MPHOSPH9: variants seen among roughly 807,000 people sequenced by gnomAD.
MPHOSPH9 encodes M-phase phosphoprotein 9.
MPHOSPH9 carries 88 observed loss-of-function variants against 145.5 expected under a neutral mutation model. That is an observed-to-expected ratio of 0.60 (90% confidence interval 0.51 to 0.72). MPHOSPH9 has a LOEUF of 0.72. Ranked by LOEUF, MPHOSPH9 falls within the 30% of genes least tolerant of loss-of-function variation. MPHOSPH9 has a pLI of 0.00. For synonymous variants in MPHOSPH9, 435 were observed against 486.2 expected (o/e 0.89, Z 1.39); for missense variants, 1,238 against 1,386.6 (o/e 0.89, Z 1.70).
At chr12:123,212,958 C>G (rs2046803994) in intron 7 of MPHOSPH9, among the ~76,000 whole-genome samples, 1 of 149,856 alleles carries the variant, frequency 6.7e-6, no homozygotes, top group Non-Finnish European at 1.5e-5. Flanking sequence ...CTCCTGGGTT[C>G]ACGCCATTCT....
intron 13 of MPHOSPH9, among the ~76,000 whole-genome samples, chr12:123,183,976 G>A (rs142054554): frequency 2.6e-5 from 4 of 152,254 alleles, no homozygotes; most frequent in Middle Eastern, 3.4e-3. Flanking sequence ...TTGAGAGGCC[G>A]AGGAAGATTA....
chr12:123,204,501 TC>T (rs1353460834), intron 8 of MPHOSPH9, among the ~76,000 whole-genome samples: 1 of 151,160 alleles, frequency 6.6e-6, no homozygotes, highest in Non-Finnish European at 1.5e-5. Flanking sequence ...TGAAAATAAG[TC>T]CCCCCCACCC....
At chr12:123,229,522 G>A (rs2047557856) in intron 2 of MPHOSPH9, among the ~76,000 whole-genome samples, 1 of 152,168 alleles carries the variant, frequency 6.6e-6, no homozygotes, top group South Asian at 2.1e-4. Context: ...GTCTGTTATT[G>A]TCTTAACTTC....
intron 3 of MPHOSPH9, among the ~76,000 whole-genome samples, chr12:123,224,373 A>T (rs969560394): frequency 6.6e-6 from 1 of 151,922 alleles, no homozygotes; most frequent in East Asian, 1.9e-4. Flanking sequence ...TGACCTCATG[A>T]TCCGCCTGCC....
chr12:123,159,469 G>C lies in MPHOSPH9; in HGVS notation c.3450+1312C>G, dbSNP rs1014749291. ...TAAGCCATTGCGCCTGGCCATGGCA[G>C]GTTTTTTTTTGTTTTTTTTGTTGTT... On this transcript the variant is annotated intron_variant, in intron 23 of 23. Coordinates refer to ENST00000606320, the MANE Select transcript of MPHOSPH9 (RefSeq NM_022782.4). This position sits in a 1 kb window ranked among gnomAD's most constrained non-coding sequence, Gnocchi z 4.3. 2.6e-5 allele frequency among the ~76,000 whole-genome samples: 4 copies of C among 152,074 alleles called. No individual in the cohort carries two copies. The highest frequency in any genetic ancestry group is 9.7e-5 in the African/African-American group (4 of 41,410).
chr12:123,154,169 T>C (rs1023931302), downstream of MPHOSPH9: 2 of 151,608 alleles, frequency 1.3e-5, no homozygotes, highest in Non-Finnish European at 2.9e-5. Context: ...CACTTTCTAT[T>C]TGCATTTTAA....
intron 13 of MPHOSPH9, among the ~76,000 whole-genome samples, chr12:123,181,686 G>A (rs1294081488): frequency 6.6e-6 from 1 of 152,022 alleles, no homozygotes; most frequent in African/African-American, 2.4e-5. Context: ...TGCTATGATC[G>A]TGCCACTGTA....
In MPHOSPH9 at chr12:123,202,313, C is replaced by T. The variant is rs1361106294; in HGVS notation, c.1788G>A (p.Arg596=). 1.9e-6 allele frequency: 3 copies of T among 1,598,690 alleles called. No individual in the cohort carries two copies. In the African/African-American group the frequency reaches 4.1e-5, roughly 22 times the overall value. Reference sequence around the variant, plus strand: ...GAGCATGCTTTTCCTTCAGATTCTGCCTAATCCTTATTCAGTGAGAATAAA... The same window carrying T: ...GAGCATGCTTTTCCTTCAGATTCTGTCTAATCCTTATTCAGTGAGAATAAA... ...LEDPVILSKI[R]QNLKEKHARH... is the part of the protein sequence containing the mutation. The change falls in exon 11 of 24, where the codon AGG becomes AGA. Residue 596 remains arginine, a synonymous_variant. Transcript: ENST00000606320.
intron 18 of MPHOSPH9, 105 bp from the exon 19 acceptor site, chr12:123,164,195 G>T: frequency 7.6e-7 from 1 of 1,314,150 alleles, no homozygotes. Context: ...TACACACCAA[G>T]CCCCACAGCT....
intron 21 of MPHOSPH9, 67 bp downstream of exon 21, chr12:123,162,048 G>T: frequency 9.8e-7 from 1 of 1,024,688 alleles, no homozygotes; most frequent in Non-Finnish European, 1.4e-6. Context: ...TTAGAACACT[G>T]AGAGATACCA....
chr12:123,168,887 C>A (rs1483281886), intron 16 of MPHOSPH9, among the ~76,000 whole-genome samples: 12 of 150,682 alleles, frequency 8.0e-5, no homozygotes, highest in Admixed American at 6.6e-4. Context: ...CTCTTTCCCT[C>A]AGTTTTTTTT....
chr12:123,156,978 C>T (rs2137825867), intron 23 of MPHOSPH9, 70 bp from the exon 24 acceptor site: 2 of 1,180,252 alleles, frequency 1.7e-6, no homozygotes, highest in South Asian at 1.5e-5. Context: ...ACCAAACTGA[C>T]CTTTCTTTTA....
chr12:123,161,502 A>G, intron 21 of MPHOSPH9, 119 bp from the exon 22 acceptor site: 1 of 1,007,360 alleles, frequency 9.9e-7, no homozygotes, highest in Non-Finnish European at 1.5e-6. Flanking sequence ...GGCCCAAAAA[A>G]GTAATGAAAA....
intron 20 of MPHOSPH9, chr12:123,162,673 C>G (rs991927536): frequency 4.6e-6 from 1 of 215,292 alleles, no homozygotes; most frequent in African/African-American, 2.3e-5. Context: ...GTGCCAGGGC[C>G]ATACCAGTAA....
At chr12:123,177,426 T>A (rs2044926315) in intron 15 of MPHOSPH9, among the ~76,000 whole-genome samples, 1 of 151,858 alleles carries the variant, frequency 6.6e-6, no homozygotes, top group Non-Finnish European at 1.5e-5. Flanking sequence ...TCCCAGCTAC[T>A]TGGGAGACTG....
intron 16 of MPHOSPH9, among the ~76,000 whole-genome samples, chr12:123,168,222 C>T (rs563070648): frequency 9.9e-5 from 15 of 152,152 alleles, no homozygotes; most frequent in African/African-American, 3.4e-4. Context: ...ACAAAGGCCG[C>T]GCTTCAGGTC....
At chr12:123,213,522 A>G (rs1028610081) in intron 7 of MPHOSPH9, among the ~76,000 whole-genome samples, 5 of 152,064 alleles carry the variant, frequency 3.3e-5, no homozygotes, top group African/African-American at 1.2e-4. Context: ...ACTCTTTTGT[A>G]GAGATGGGGT....
chr12:123,207,660 C>T (rs1476849618), intron 8 of MPHOSPH9, among the ~76,000 whole-genome samples: 1 of 151,968 alleles, frequency 6.6e-6, no homozygotes, highest in East Asian at 1.9e-4. Context: ...TCGAGAGCAG[C>T]CTGGCCAACA....
intron 15 of MPHOSPH9, among the ~76,000 whole-genome samples, chr12:123,179,474 C>G (rs1593110579): frequency 6.6e-6 from 1 of 152,152 alleles, no homozygotes; most frequent in East Asian, 1.9e-4. Flanking sequence ...ACTCGGGAGG[C>G]TGAGGCAGGA....
Sources: gnomAD v4.1 joint callset for allele counts (sites outside exome capture counted in the v4.1 genomes callset) on GRCh38, gnomAD v4.1.1 for gene constraint, Gnocchi (gnomAD v3.1) non-coding constraint, MANE v1.5 for transcripts, NCBI Gene and HGNC (gene_info 2026-07-23, HGNC 2026-07-21) for gene names.